The following RABGAP1L variants were observed in gnomAD, a reference collection of about 807,000 sequenced individuals.
RABGAP1L encodes the protein rab GTPase-activating protein 1-like.
Under a neutral mutation model 137.7 loss-of-function variants are expected in RABGAP1L, and 63 were observed. The observed-to-expected ratio is 0.46, with a 90% CI of 0.37 to 0.56. The LOEUF (loss-of-function observed/expected upper bound fraction) is 0.56, where lower values mean the gene tolerates loss of function less well. Ranked by LOEUF, RABGAP1L falls within the 20% of genes least tolerant of loss-of-function variation. The pLI, the probability that RABGAP1L is intolerant of heterozygous loss-of-function variation, is 0.00. For missense variants in RABGAP1L, 1,095 were observed against 1,244.0 expected, an observed-to-expected ratio of 0.88 and a Z score of 1.80; for synonymous variants, 431 against 433.7, an observed-to-expected ratio of 0.99 and a Z score of 0.08.
chr1:174,530,659 G>A (rs1664309844), intron 13 of RABGAP1L, among the ~76,000 whole-genome samples: 1 of 152,044 alleles, frequency 6.6e-6, no homozygotes, highest in South Asian at 2.1e-4. Context: ...CTTGCTTTAG[G>A]TATTTCCTGT....
At chr1:174,503,957 T>C (rs1229901421) in intron 13 of RABGAP1L, among the ~76,000 whole-genome samples, 1 of 141,908 alleles carries the variant, frequency 7.0e-6, no homozygotes, top group Non-Finnish European at 1.5e-5. Context: ...ACAGATTCAA[T>C]AGACTCTTTT....
intron 7 of RABGAP1L, 80 bp from the exon 8 acceptor site, chr1:174,272,334 T>G: frequency 6.9e-7 from 1 of 1,443,004 alleles, no homozygotes; most frequent in Non-Finnish European, 9.3e-7. Context: ...GTATAGTTAT[T>G]GTAAAAAGGC....
At chr1:174,409,700 G>A (rs1249255406) in intron 13 of RABGAP1L, among the ~76,000 whole-genome samples, 1 of 152,194 alleles carries the variant, frequency 6.6e-6, no homozygotes, top group East Asian at 1.9e-4. Context: ...GCATTCCTGG[G>A]GAGGGGTCTA....
chr1:174,670,747 AG>A (rs1401946452), intron 14 of RABGAP1L, among the ~76,000 whole-genome samples: 2 of 152,194 alleles, frequency 1.3e-5, no homozygotes, highest in Non-Finnish European at 2.9e-5. Context: ...AAGGCTGAAT[AG>A]TACTCCATTG....
At chr1:174,965,704 G>GCC (rs1481364732) in intron 20 of RABGAP1L, among the ~76,000 whole-genome samples, 1 of 152,146 alleles carries the variant, frequency 6.6e-6, no homozygotes, top group Non-Finnish European at 1.5e-5. Flanking sequence ...TGCATTTTTG[G>GCC]CCCCGTAGCT....
At chr1:174,493,770 G>A (rs527906306) in intron 13 of RABGAP1L, among the ~76,000 whole-genome samples, 11 of 148,590 alleles carry the variant, frequency 7.4e-5, no homozygotes, top group South Asian at 2.1e-4. Context: ...GCAGTGAGCC[G>A]AGATCATGTC....
chr1:174,435,683 T>G (rs1364737122), intron 13 of RABGAP1L, among the ~76,000 whole-genome samples: 2 of 152,112 alleles, frequency 1.3e-5, no homozygotes, highest in African/African-American at 4.8e-5. Context: ...ACTTTAAGTT[T>G]TAGGGTACAT....
intron 19 of RABGAP1L, among the ~76,000 whole-genome samples, chr1:174,836,266 G>A (rs977334195): frequency 6.6e-6 from 1 of 152,046 alleles, no homozygotes; most frequent in African/African-American, 2.4e-5. Context: ...AGTGAGGGAA[G>A]CTAAGATGTT....
At chr1:174,333,875 C>T (rs1321787739) in intron 11 of RABGAP1L, among the ~76,000 whole-genome samples, 1 of 152,112 alleles carries the variant, frequency 6.6e-6, no homozygotes, top group Non-Finnish European at 1.5e-5. Flanking sequence ...GAGTGGGAAG[C>T]TCAGTCTTGC....
At chr1:174,181,068 A>G (rs1424736693) in intron 1 of RABGAP1L, among the ~76,000 whole-genome samples, 1 of 152,238 alleles carries the variant, frequency 6.6e-6, no homozygotes, top group Non-Finnish European at 1.5e-5. Context: ...ACTGAGATGT[A>G]AACTCTTTTC....
chr1:174,248,513 A>C (rs1672450288), intron 5 of RABGAP1L, among the ~76,000 whole-genome samples: 1 of 152,220 alleles, frequency 6.6e-6, no homozygotes, highest in Non-Finnish European at 1.5e-5. Context: ...GTGCTACTGC[A>C]GAAGTTGAAC....
intron 14 of RABGAP1L, among the ~76,000 whole-genome samples, chr1:174,676,840 C>T (rs1677664358): frequency 6.6e-6 from 1 of 152,042 alleles, no homozygotes; most frequent in Non-Finnish European, 1.5e-5. Flanking sequence ...ATTTTTCCTT[C>T]CTTCCTTCCT....
At chr1:174,765,058 T>C (rs932068819) in intron 18 of RABGAP1L, among the ~76,000 whole-genome samples, 3 of 152,220 alleles carry the variant, frequency 2.0e-5, no homozygotes, top group Non-Finnish European at 4.4e-5. Context: ...GTCAATCTCA[T>C]CTGTCCGTGT....
intron 5 of RABGAP1L, 132 bp from the exon 6 acceptor site, chr1:174,250,343 C>A: frequency 1.7e-6 from 1 of 572,136 alleles, no homozygotes. Flanking sequence ...AATACTTAGA[C>A]TATATATAAA....
intron 13 of RABGAP1L, among the ~76,000 whole-genome samples, chr1:174,422,568 TG>T (rs1300508960): frequency 6.6e-6 from 1 of 152,160 alleles, no homozygotes; most frequent in African/African-American, 2.4e-5. Flanking sequence ...CCCCTTTTAT[TG>T]ATATGCAAAT....
At chr1:174,874,629 C>A in intron 19 of RABGAP1L, 2 of 461,694 alleles carry the variant, frequency 4.3e-6, no homozygotes, top group Non-Finnish European at 5.4e-6. Context: ...GGTGTGAAGG[C>A]GATAACTGCA....
intron 14 of RABGAP1L, among the ~76,000 whole-genome samples, chr1:174,658,314 G>A (rs1342373442): frequency 6.6e-6 from 1 of 152,072 alleles, no homozygotes; most frequent in Non-Finnish European, 1.5e-5. Flanking sequence ...TTTTGCTGAT[G>A]TCACTGCCCA....
At chr1:174,530,283 G>T (rs1020503794) in intron 13 of RABGAP1L, among the ~76,000 whole-genome samples, 1 of 152,086 alleles carries the variant, frequency 6.6e-6, no homozygotes, top group Non-Finnish European at 1.5e-5. Flanking sequence ...CACATAGGCA[G>T]CTGCCATGCT....
At chr1:174,438,664 G>C (rs904728277) in intron 13 of RABGAP1L, among the ~76,000 whole-genome samples, 2 of 148,958 alleles carry the variant, frequency 1.3e-5, no homozygotes, top group South Asian at 4.2e-4. Context: ...TTTGCAGTGA[G>C]CCGAGATCAC....
Sources: gnomAD v4.1 joint callset for allele counts (sites outside exome capture counted in the v4.1 genomes callset) on GRCh38, gnomAD v4.1.1 for gene constraint, MANE v1.5 for transcripts, NCBI Gene and HGNC (gene_info 2026-07-23, HGNC 2026-07-21) for gene names.